Variants in SAMD12 observed in about 807,000 individuals in gnomAD.
SAMD12 encodes the protein sterile alpha motif domain-containing protein 12.
A neutral mutation model predicts 15.0 loss-of-function variants in SAMD12; 9 were observed. That is an observed-to-expected ratio of 0.60 (90% CI 0.36 to 1.05). SAMD12 has a LOEUF of 1.05. Among genes scored for constraint, SAMD12 ranks in the 50% least tolerant of loss-of-function variants. The probability of loss-of-function intolerance (pLI) is 0.01; values close to 1 mark genes in which losing one functional copy is unlikely to be tolerated. For missense variants in SAMD12, 230 were observed against 234.2 expected, an observed-to-expected ratio of 0.98 and a Z score of 0.12; for synonymous variants, 86 against 90.1, an observed-to-expected ratio of 0.96 and a Z score of 0.25.
chr8:118,580,027 C>A (rs1327136357), intron 2 of SAMD12, among the ~76,000 whole-genome samples: 1 of 152,154 alleles, frequency 6.6e-6, no homozygotes, highest in Non-Finnish European at 1.5e-5. Context: ...TGTCAGTTCT[C>A]TGTTACCTAT....
chr8:118,304,766 A>AAATAAAT lies in SAMD12; in HGVS notation c.433+74787_433+74793dup, dbSNP rs1554626994. On this transcript the variant is annotated intron_variant, in intron 4 of 4. Transcript: ENST00000409003. ...CAGAACGAGACTCCATCTCATAAAT[A>AAATAAAT]AATAAATAAATAAATAAATAAATAA... is the stretch of plus-strand genomic sequence containing the variant. Among the ~76,000 whole-genome samples, 4 of 66,842 alleles carry AAATAAAT rather than the reference A, an allele frequency of 6.0e-5. No homozygotes were observed. The Admixed American group carries it at 6.1e-4, about 10-fold the overall frequency. 43.9% of individuals were successfully genotyped at this position (66,842 alleles called of 152,430 possible). A position where few individuals can be genotyped will look rare whatever the true frequency, so the allele number is the denominator to read the frequency against.
intron 4 of SAMD12, among the ~76,000 whole-genome samples, chr8:118,258,761 T>C (rs955702455): frequency 2.0e-5 from 3 of 152,096 alleles, no homozygotes; most frequent in African/African-American, 7.2e-5. Flanking sequence ...AAATTGAGGA[T>C]ATGGGAAAGT....
chr8:118,504,234 C>G (rs974756511), intron 2 of SAMD12, among the ~76,000 whole-genome samples: 1 of 152,224 alleles, frequency 6.6e-6, no homozygotes, highest in Non-Finnish European at 1.5e-5. Flanking sequence ...ACACATCCAA[C>G]TCCTCTCTGT....
chr8:118,331,004 G>A (rs1466803164), intron 4 of SAMD12, among the ~76,000 whole-genome samples: 1 of 151,854 alleles, frequency 6.6e-6, no homozygotes, highest in African/African-American at 2.4e-5. Flanking sequence ...AGGGAAAGAC[G>A]CATAAAATAT....
intron 3 of SAMD12, among the ~76,000 whole-genome samples, chr8:118,429,476 T>G (rs1379689581): frequency 1.3e-5 from 2 of 152,236 alleles, no homozygotes; most frequent in African/African-American, 4.8e-5. Context: ...GATCTCATAG[T>G]TTTTTATATA....
chr8:118,383,210 C>T (rs1269673627), intron 3 of SAMD12, among the ~76,000 whole-genome samples: 1 of 152,154 alleles, frequency 6.6e-6, no homozygotes, highest in Non-Finnish European at 1.5e-5. Flanking sequence ...GTTATTTTGA[C>T]ACTCCCCCTG....
intron 4 of SAMD12, among the ~76,000 whole-genome samples, chr8:118,333,329 C>T (rs1415996792): frequency 6.6e-6 from 1 of 152,134 alleles, no homozygotes; most frequent in African/African-American, 2.4e-5. Context: ...GGCGCTCCAA[C>T]CTCATTGAAA....
intron 4 of SAMD12, among the ~76,000 whole-genome samples, chr8:118,372,156 A>G (rs997855350): frequency 1.4e-4 from 21 of 152,204 alleles, no homozygotes; most frequent in Admixed American, 5.9e-4. Flanking sequence ...TCACATATGC[A>G]TAAAAAGGAA....
intron 1 of SAMD12, among the ~76,000 whole-genome samples, chr8:118,601,525 C>T (rs1023929091): frequency 6.6e-6 from 1 of 152,138 alleles, no homozygotes; most frequent in Non-Finnish European, 1.5e-5. Flanking sequence ...AAAAACTTAA[C>T]GTGGCTGGCA....
chr8:118,253,188 A>G (rs1350534353), intron 4 of SAMD12, among the ~76,000 whole-genome samples: 1 of 152,212 alleles, frequency 6.6e-6, no homozygotes, highest in East Asian at 1.9e-4. Context: ...CGTTTCTAGC[A>G]AAACTAAGTA....
intron 4 of SAMD12, among the ~76,000 whole-genome samples, chr8:118,219,076 G>GC (rs1222214050): frequency 6.6e-6 from 1 of 152,154 alleles, no homozygotes; most frequent in Non-Finnish European, 1.5e-5. Flanking sequence ...GGTCTCCGCT[G>GC]CCCCCAACAT....
the SAMD12 span, among the ~76,000 whole-genome samples, chr8:118,152,198 A>G: frequency 0.01 from 1,558 of 152,294 alleles, 38 homozygotes; most frequent in African/African-American, 0.036. Flanking sequence ...CAGAGAAAGA[A>G]AGGCCAAAGT....
intron 4 of SAMD12, among the ~76,000 whole-genome samples, chr8:118,304,442 A>G (rs1228060501): frequency 6.6e-6 from 1 of 152,158 alleles, no homozygotes; most frequent in Non-Finnish European, 1.5e-5. Context: ...TCAATCAGTA[A>G]ATACATTTGA....
intron 2 of SAMD12, among the ~76,000 whole-genome samples, chr8:118,547,655 G>C (rs2131167560): frequency 6.6e-6 from 1 of 152,216 alleles, no homozygotes; most frequent in South Asian, 2.1e-4. Flanking sequence ...TTGAAAGGTA[G>C]GGTGAGAGCA....
intron 2 of SAMD12, among the ~76,000 whole-genome samples, chr8:118,522,937 T>C (rs1485418356): frequency 6.6e-6 from 1 of 152,160 alleles, no homozygotes; most frequent in Admixed American, 6.5e-5. Context: ...TCTCTCTACT[T>C]AATAAAATAC....
At chr8:118,290,106 T>A (rs1185982142) in intron 4 of SAMD12, among the ~76,000 whole-genome samples, 2 of 152,118 alleles carry the variant, frequency 1.3e-5, no homozygotes, top group Admixed American at 1.3e-4. Context: ...TAAGTAAAAA[T>A]TATAACCTTA....
chr8:118,400,590 G>A (rs142728865), intron 3 of SAMD12: 33 of 152,358 alleles, frequency 2.2e-4, no homozygotes, highest in African/African-American at 7.0e-4. Context: ...ACAGAGAATT[G>A]TATTATTGTC....
chr8:118,420,306 T>C (rs562240134), intron 3 of SAMD12, among the ~76,000 whole-genome samples: 1 of 152,102 alleles, frequency 6.6e-6, no homozygotes, highest in African/African-American at 2.4e-5. Flanking sequence ...TGTGTATATA[T>C]AGGAGGGTAG....
intron 4 of SAMD12, among the ~76,000 whole-genome samples, chr8:118,356,497 G>A (rs1818231825): frequency 1.3e-5 from 2 of 152,116 alleles, no homozygotes; most frequent in African/African-American, 4.8e-5. Context: ...GCAGCTCAGG[G>A]AGGGAAGCAC....
Sources: allele counts gnomAD v4.1 joint callset (sites outside exome capture counted in the v4.1 genomes callset), GRCh38; gene constraint gnomAD v4.1.1; transcripts MANE v1.5; gene names NCBI Gene and HGNC (gene_info 2026-07-23, HGNC 2026-07-21).